Variants in KIF27 observed in about 807,000 individuals in gnomAD.
KIF27 encodes the protein kinesin family member 27, also known as kinesin-like protein KIF27.
A neutral mutation model predicts 141.8 loss-of-function variants in KIF27; 84 were observed. The observed-to-expected ratio is 0.59, with a 90% CI of 0.50 to 0.71. The LOEUF (loss-of-function observed/expected upper bound fraction) is 0.71, where lower values mean the gene tolerates loss of function less well. Ranked by LOEUF, KIF27 falls within the 30% of genes least tolerant of loss-of-function variation. The pLI, the probability that KIF27 is intolerant of heterozygous loss-of-function variation, is 0.00. For missense variants in KIF27, 1,306 were observed against 1,628.4 expected (o/e 0.80, Z 3.41); for synonymous variants, 471 against 569.5 (o/e 0.83, Z 2.46).
At chr9:83,870,708 T>A in intron 11 of KIF27, 76 bp from the exon 12 acceptor site, 18 of 196,606 alleles carry the variant, frequency 9.2e-5, no homozygotes, top group East Asian at 2.1e-4. Context: ...AATTATTTTC[T>A]TTTTTTTTTT....
At chr9:83,867,635 G>T in intron 13 of KIF27, 49 bp downstream of exon 13, 1 of 1,525,772 alleles carries the variant, frequency 6.6e-7, no homozygotes, top group Non-Finnish European at 8.8e-7. Flanking sequence ...CTAGTGGGGA[G>T]TAGGGAGTGG....
At chr9:83,856,778 C>T (rs1253586334) in intron 14 of KIF27, among the ~76,000 whole-genome samples, 5 of 147,768 alleles carry the variant, frequency 3.4e-5, no homozygotes, top group South Asian at 2.2e-4. Context: ...GGCATGGTAG[C>T]GCACATCTGT....
chr9:83,881,639 A>G (rs1214917911), intron 10 of KIF27, among the ~76,000 whole-genome samples: 1 of 152,254 alleles, frequency 6.6e-6, no homozygotes, highest in Non-Finnish European at 1.5e-5. Context: ...TCACAGAACA[A>G]GAACAATCGG....
intron 13 of KIF27, among the ~76,000 whole-genome samples, chr9:83,866,050 G>A (rs971061289): frequency 1.3e-5 from 2 of 151,794 alleles, no homozygotes; most frequent in Admixed American, 1.3e-4. Context: ...TTCCCTACCT[G>A]GAGTTTTTTT....
chr9:83,902,699 T>C (rs145178125), intron 4 of KIF27, among the ~76,000 whole-genome samples: 7 of 152,190 alleles, frequency 4.6e-5, no homozygotes, highest in African/African-American at 1.4e-4. Flanking sequence ...AGTCTCTAAA[T>C]TGACAACCAG....
At chr9:83,861,301 G>T (rs947607040) in intron 13 of KIF27, among the ~76,000 whole-genome samples, 13 of 151,940 alleles carry the variant, frequency 8.6e-5, no homozygotes, top group African/African-American at 3.1e-4. Context: ...TTTACATTAG[G>T]TATATCTCCT....
chr9:83,891,415 A>G lies in KIF27; in HGVS notation c.1689T>C (p.Ala563=). The G allele has an allele frequency of 6.2e-7, 1 of 1,613,954 alleles. No individual in the cohort carries two copies. Among genetic ancestry groups the G allele is most frequent in the East Asian group, 2.2e-5 (1 of 44,846 alleles). ...CTGGCCCATCTCCACAATTTTCTTT[A>G]GCTGAAGAAGTCACTGACAGGTTAA... is the stretch of plus-strand genomic sequence containing the variant. ...TKLNLSVTSS[A]KENCGDGPDA... is the part of the protein sequence containing the mutation. Residue 563 remains alanine, a synonymous_variant, in exon 6 of 18, where the codon GCT becomes GCC. Coordinates refer to ENST00000297814, the MANE Select transcript of KIF27 (RefSeq NM_017576.4).
At position 83,921,360 on chromosome 9, in the gene KIF27, C is replaced by G. The variant is rs1222660822; in HGVS notation, c.-88+11G>C. On this transcript the variant is annotated intron_variant, in intron 1 of 17. Transcript: ENST00000297814. ...TCCCCGCACCGCCCGCCAGGCCCGC[C>G]GAGCACTGACCGGCTCGGGACAGCC... 6.6e-6 allele frequency: 1 copy of G among 152,182 alleles called. No individual in the cohort carries two copies. The highest frequency in any genetic ancestry group is 1.5e-5 in the Non-Finnish European group (1 of 68,054). 9.4% of individuals were successfully genotyped at this position (152,182 alleles called of 1,614,324 possible). A position where few individuals can be genotyped will look rare whatever the true frequency, so the allele number is the denominator to read the frequency against.
rs1450639451 is a variant in KIF27, at chr9:83,850,189, C to T, written c.3466G>A (p.Asp1156Asn). 6.2e-7 allele frequency: 1 copy of T among 1,612,426 alleles called. No individual in the cohort carries two copies. The highest frequency in any genetic ancestry group is 1.3e-5 in the African/African-American group (1 of 74,894). ...NMVRELESALDHLKLQCDRRL... is the reference protein window; with the variant it reads ...NMVRELESALNHLKLQCDRRL... ...CGGTCACACTGCAATTTTAGATGGT[C>T]CAGTGCAGATTCTAATTCACGAACC... The change falls in exon 16 of 18, where the codon GAC (aspartate) becomes AAC (asparagine). Residue 1156 changes from aspartate to asparagine, a missense_variant. Physicochemically the swap from Asp to Asn is conservative, Grantham distance 23. Coordinates refer to ENST00000297814, the MANE Select transcript of KIF27 (RefSeq NM_017576.4).
intron 16 of KIF27, among the ~76,000 whole-genome samples, chr9:83,844,990 C>T (rs1947069268): frequency 6.6e-6 from 1 of 152,122 alleles, no homozygotes; most frequent in Non-Finnish European, 1.5e-5. Context: ...TGAATGGGGT[C>T]CACAACAGGA....
intron 3 of KIF27, among the ~76,000 whole-genome samples, chr9:83,906,744 C>CAAAAAAAAA (rs565683124): frequency 2.0e-5 from 1 of 50,044 alleles, no homozygotes; most frequent in South Asian, 6.7e-4. Context: ...ACCCTGTCTC[C>CAAAAAAAAA]AAAAAAAAAA....
At chr9:83,914,200 C>T (rs926034686) in intron 2 of KIF27, among the ~76,000 whole-genome samples, 3 of 144,098 alleles carry the variant, frequency 2.1e-5, no homozygotes, top group South Asian at 2.2e-4. Flanking sequence ...GATTATAAAA[C>T]ATTTGCCAAT....
chr9:83,914,861 A>T (rs1337575869), intron 2 of KIF27, among the ~76,000 whole-genome samples: 1 of 152,198 alleles, frequency 6.6e-6, no homozygotes, highest in Non-Finnish European at 1.5e-5. Flanking sequence ...TTCAGAATTT[A>T]AAAAAGAAAT....
chr9:83,848,323 C>CA (rs1948025988), intron 16 of KIF27, among the ~76,000 whole-genome samples: 1 of 86,776 alleles, frequency 1.2e-5, no homozygotes, highest in Admixed American at 1.1e-4. Flanking sequence ...TATCATATAT[C>CA]TATATATCTA....
intron 11 of KIF27, among the ~76,000 whole-genome samples, chr9:83,875,783 C>G (rs1391093061): frequency 4.6e-5 from 7 of 152,094 alleles, no homozygotes; most frequent in Admixed American, 2.6e-4. Flanking sequence ...ACAGAGAGAG[C>G]ACTAGTGAAC....
chr9:83,887,205 A>C lies in KIF27; in HGVS notation c.2084-9T>G, dbSNP rs772757850. The C allele has an allele frequency of 4.1e-6, 6 of 1,457,958 alleles. No individual in the cohort carries two copies. The African/African-American group carries it at 5.9e-5, about 14-fold the overall frequency. 90.3% of individuals were successfully genotyped at this position (1,457,958 alleles called of 1,614,324 possible). On this transcript the variant is annotated splice_polypyrimidine_tract_variant and intron_variant, in intron 8 of 17. Transcript: ENST00000297814. ...ACAATCAATCTTTAAATCTTTAAAA[A>C]AAAATGGAGAAATAAAACTATCTGC...
rs1207529635 is a variant in KIF27, at chr9:83,915,335, G to C, written c.257C>G (p.Thr86Ser). 6.2e-7 allele frequency: 1 copy of C among 1,613,354 alleles called. No homozygotes were observed. Among genetic ancestry groups the C allele is most frequent in the East Asian group, 2.2e-5 (1 of 44,846 alleles). ...AATGGTGTATGTCTTCCCAGATCCAGTTTGTCCATAGGCAAAAACAGTTGC... is the reference window on the plus strand; with the variant it reads ...AATGGTGTATGTCTTCCCAGATCCACTTTGTCCATAGGCAAAAACAGTTGC... ...YNATVFAYGQ[T>S]GSGKTYTIGG... The change falls in exon 2 of 18, where the codon ACT becomes AGT. Residue 86 changes from threonine to serine, a missense_variant. By Grantham distance (58) the Thr-to-Ser change is moderately conservative. Around this residue, in one of 4 missense-constraint regions of KIF27, gnomAD observed 533 missense variants for 565.6 expected, o/e 0.94. Coordinates refer to ENST00000297814, the MANE Select transcript of KIF27 (RefSeq NM_017576.4).
chr9:83,913,892 T>C (rs948778588), intron 2 of KIF27, among the ~76,000 whole-genome samples: 17 of 152,314 alleles, frequency 1.1e-4, no homozygotes, highest in African/African-American at 3.8e-4. Flanking sequence ...ACTTGTTTCA[T>C]TTCTTATGCA....
chr9:83,850,692 A>C lies in KIF27; in HGVS notation c.3358-395T>G, dbSNP rs946855147. ...CAGCTACTTGGGAGGCTGAAGCAGG[A>C]GAATGGCTTGAACCTGGGAGGCGGA... On this transcript the variant is annotated intron_variant, in intron 15 of 17. Transcript: ENST00000297814. 5.9e-5 allele frequency among the ~76,000 whole-genome samples: 9 copies of C among 151,448 alleles called. No homozygotes were observed. In the East Asian group the frequency reaches 1.6e-3, roughly 26 times the overall value.
Sources: gnomAD v4.1 joint callset for allele counts (sites outside exome capture counted in the v4.1 genomes callset) on GRCh38, gnomAD v4.1.1 for gene constraint, gnomAD v4.1.1 regional missense constraint, MANE v1.5 for transcripts, NCBI Gene and HGNC (gene_info 2026-07-23, HGNC 2026-07-21) for gene names.